Variants in F13A1 observed in about 807,000 individuals in gnomAD.
F13A1 encodes coagulation factor XIII A chain.
A neutral mutation model predicts 80.1 loss-of-function variants in F13A1; 47 were observed. The observed-to-expected ratio is 0.59, with a 90% confidence interval of 0.46 to 0.75. The LOEUF (loss-of-function observed/expected upper bound fraction) is 0.75, where lower values mean the gene tolerates loss of function less well. F13A1 is among the 30% of genes least tolerant of loss of function. The pLI, the probability that F13A1 is intolerant of heterozygous loss-of-function variation, is 0.00. For missense variants in F13A1, 817 were observed against 930.4 expected, an observed-to-expected ratio of 0.88 and a Z score of 1.59; for synonymous variants, 349 against 344.9, an observed-to-expected ratio of 1.01 and a Z score of -0.13.
At chr6:6,268,945 C>A (rs1561673903) in intron 3 of F13A1, among the ~76,000 whole-genome samples, 1 of 152,004 alleles carries the variant, frequency 6.6e-6, no homozygotes, top group Non-Finnish European at 1.5e-5. Context: ...CCCGCCTCAG[C>A]CTCCCAAAGT....
chr6:6,203,598 G>A (rs1306219004), intron 8 of F13A1, among the ~76,000 whole-genome samples: 2 of 152,202 alleles, frequency 1.3e-5, no homozygotes, highest in Non-Finnish European at 2.9e-5. Context: ...AGAGGACTCT[G>A]AGCATTAGAT....
chr6:6,281,398 G>T (rs1758063147), intron 3 of F13A1, among the ~76,000 whole-genome samples: 1 of 152,046 alleles, frequency 6.6e-6, no homozygotes, highest in Admixed American at 6.6e-5. Flanking sequence ...GTCAGACCAG[G>T]TATACCAGGA....
chr6:6,185,786 G>T (rs1054724107), intron 10 of F13A1, among the ~76,000 whole-genome samples: 2 of 152,186 alleles, frequency 1.3e-5, no homozygotes, highest in African/African-American at 4.8e-5. Context: ...AGATCCCTGA[G>T]GAATCACCAC....
rs749832625 is a variant in F13A1, at chr6:6,174,790, T to C, written c.1537A>G (p.Met513Val). Residue 513 changes from methionine (M) to valine (V), a missense_variant, in exon 12 of 15, where the codon ATG (methionine) becomes GTG (valine). Physicochemically the swap from Met to Val is conservative, Grantham distance 21. Coordinates refer to ENST00000264870, the MANE Select transcript of F13A1 (RefSeq NM_000129.4). ...AKKPLNTEGVMKSRSNVDMDF... is the reference protein window; with the variant it reads ...AKKPLNTEGVVKSRSNVDMDF... ...ATGTCAACGTTGGACCTTGATTTCA[T>C]GACACCTTCTGTGTTGAGGGGCTTT... is the stretch of plus-strand genomic sequence containing the variant. The C allele has an allele frequency of 6.2e-7, 1 of 1,614,200 alleles. No homozygotes were observed. The highest frequency in any genetic ancestry group is 1.3e-5 in the African/African-American group (1 of 75,052).
chr6:6,217,310 A>C (rs1246299082), intron 8 of F13A1, among the ~76,000 whole-genome samples: 3 of 152,102 alleles, frequency 2.0e-5, no homozygotes, highest in Non-Finnish European at 2.9e-5. Context: ...TGGATTAAGA[A>C]TATGTGGCAC....
In F13A1 at chr6:6,243,151, CACCACATTACGCCATCACCACCACT is replaced by C. The variant is rs1319260538; in HGVS notation, c.798+5136_798+5160del. Among the ~76,000 whole-genome samples, 3 of 151,690 alleles carry C rather than the reference CACCACATTACGCCATCACCACCACT, an allele frequency of 2.0e-5. No individual in the cohort carries two copies. Among genetic ancestry groups the C allele is most frequent in the Non-Finnish European group, 4.4e-5 (3 of 67,862 alleles). On this transcript the variant is annotated intron_variant, in intron 6 of 14. Transcript: ENST00000264870. This position sits in a 1 kb window ranked among gnomAD's most constrained non-coding sequence, Gnocchi z 4.2. Reference sequence around the variant, plus strand: ...CACCACCATCATAAATCACCACCACCACCACATTACGCCATCACCACCACTACCACCATCACTCCCACCACCATCA... The same window carrying C: ...CACCACCATCATAAATCACCACCACCACCACCATCACTCCCACCACCATCA...
intron 14 of F13A1, among the ~76,000 whole-genome samples, chr6:6,148,112 G>A (rs1179406021): frequency 6.6e-6 from 1 of 152,136 alleles, no homozygotes; most frequent in Admixed American, 6.5e-5. Context: ...TTTTTCTCTT[G>A]AAATAACATA....
intron 3 of F13A1, among the ~76,000 whole-genome samples, chr6:6,290,337 C>T (rs1187243164): frequency 6.6e-6 from 1 of 152,144 alleles, no homozygotes; most frequent in Non-Finnish European, 1.5e-5. Context: ...CAAATCTGTT[C>T]AAGTTCTGTC....
At chr6:6,202,617 A>T (rs961136952) in intron 8 of F13A1, among the ~76,000 whole-genome samples, 6 of 152,220 alleles carry the variant, frequency 3.9e-5, no homozygotes, top group African/African-American at 9.6e-5. Flanking sequence ...AAAGTAAAAA[A>T]ATTCTAAATC....
At chr6:6,202,561 G>T (rs1761416919) in intron 8 of F13A1, among the ~76,000 whole-genome samples, 1 of 152,114 alleles carries the variant, frequency 6.6e-6, no homozygotes, top group Non-Finnish European at 1.5e-5. Context: ...GCCTTCATTT[G>T]AAACTTAAGT....
chr6:6,274,275 T>C (rs1757958839), intron 3 of F13A1, among the ~76,000 whole-genome samples: 1 of 152,242 alleles, frequency 6.6e-6, no homozygotes, highest in Non-Finnish European at 1.5e-5. Flanking sequence ...TTTTCTACCT[T>C]GATTTTATTT....
intron 3 of F13A1, among the ~76,000 whole-genome samples, chr6:6,269,949 T>C (rs1757899055): frequency 6.6e-6 from 1 of 152,112 alleles, no homozygotes; most frequent in Non-Finnish European, 1.5e-5. Flanking sequence ...CCTGACCTCA[T>C]GATCTGCCCG....
intron 8 of F13A1, among the ~76,000 whole-genome samples, chr6:6,211,596 C>A (rs1443758604): frequency 6.6e-6 from 1 of 152,094 alleles, no homozygotes; most frequent in Non-Finnish European, 1.5e-5. Flanking sequence ...GATAATTTTA[C>A]AATATAAAAG....
chr6:6,280,546 C>T (rs745507859), intron 3 of F13A1, among the ~76,000 whole-genome samples: 15 of 152,150 alleles, frequency 9.9e-5, no homozygotes, highest in Non-Finnish European at 1.9e-4. Context: ...TTAAAAGCAT[C>T]ACTTTTAAAA....
intron 10 of F13A1, among the ~76,000 whole-genome samples, chr6:6,193,965 A>G (rs1761246528): frequency 6.6e-6 from 1 of 152,204 alleles, no homozygotes; most frequent in Admixed American, 6.5e-5. Context: ...CGATGAGATG[A>G]ACACTGGTCT....
intron 3 of F13A1, among the ~76,000 whole-genome samples, chr6:6,280,379 T>A (rs1758044484): frequency 1.3e-5 from 2 of 152,222 alleles, no homozygotes; most frequent in African/African-American, 4.8e-5. Flanking sequence ...TCAACGACTT[T>A]ATTAACTACA....
At position 6,192,947 on chromosome 6, in the gene F13A1, G is replaced by A. The variant is rs552448533; in HGVS notation, c.1305+2850C>T. 2.6e-5 allele frequency among the ~76,000 whole-genome samples: 4 copies of A among 152,262 alleles called. No homozygotes were observed. In the South Asian group the frequency reaches 6.2e-4, roughly 24 times the overall value. On this transcript the variant is annotated intron_variant, in intron 10 of 14. Coordinates refer to ENST00000264870, the MANE Select transcript of F13A1 (RefSeq NM_000129.4). The stretch of plus-strand genomic sequence containing the variant: ...TTCACTAAGAACCCCTGAGGGCTTC[G>A]TGAACATGGAATCTTGGAATACGAC...
At chr6:6,210,448 C>T (rs1761586619) in intron 8 of F13A1, among the ~76,000 whole-genome samples, 1 of 149,014 alleles carries the variant, frequency 6.7e-6, no homozygotes, top group African/African-American at 2.5e-5. Flanking sequence ...AGGTTCATGC[C>T]ATTCTCCTGC....
At chr6:6,192,294 A>AATTCT (rs1761215071) in intron 10 of F13A1, among the ~76,000 whole-genome samples, 1 of 152,114 alleles carries the variant, frequency 6.6e-6, no homozygotes, top group Admixed American at 6.5e-5. Context: ...TTTAAAGAAT[A>AATTCT]ATTCTCTTGC....
Sources: gnomAD v4.1 joint callset for allele counts (sites outside exome capture counted in the v4.1 genomes callset) on GRCh38, gnomAD v4.1.1 for gene constraint, Gnocchi (gnomAD v3.1) non-coding constraint, MANE v1.5 for transcripts, NCBI Gene and HGNC (gene_info 2026-07-23, HGNC 2026-07-21) for gene names.